Variants in PEX5L observed in about 807,000 individuals in gnomAD.
The protein encoded by PEX5L is peroxisomal biogenesis factor 5 like.
In PEX5L, 30 loss-of-function variants were observed where a neutral mutation model predicts 84.0. That is an observed-to-expected ratio of 0.36 (90% CI 0.27 to 0.48). PEX5L has a LOEUF of 0.48. Ranked by LOEUF, PEX5L falls within the 20% of genes least tolerant of loss-of-function variation. PEX5L has a pLI of 0.99. For synonymous variants in PEX5L, 270 were observed against 283.1 expected (o/e 0.95, Z 0.46); for missense variants, 533 against 754.6 (o/e 0.71, Z 3.44).
rs548820058 is a variant in PEX5L at position 179,874,126 on chromosome 3, GAT to G, written c.726+199_726+200del. The stretch of plus-strand genomic sequence containing the variant: ...AACACATTTTCCAGCCAAATGTGTA[GAT>G]ATACATATATATATATATATACACA... On this transcript the variant is annotated intron_variant, in intron 7 of 14. Transcript: ENST00000467460. 4.0e-3 allele frequency among the ~76,000 whole-genome samples: 491 copies of G among 122,992 alleles called. 4 individuals are homozygous for G. The highest frequency in any genetic ancestry group is 0.013 in the South Asian group (40 of 3,156). The allele number at this position is 122,992 out of a possible 152,430, so 80.7% of individuals were successfully genotyped here.
chr3:179,913,464 G>C (rs1198549405), intron 2 of PEX5L, among the ~76,000 whole-genome samples: 1 of 152,062 alleles, frequency 6.6e-6, no homozygotes, highest in South Asian at 2.1e-4. Context: ...AACCTAATCT[G>C]TTGTAGGGCT....
intron 8 of PEX5L, among the ~76,000 whole-genome samples, chr3:179,838,325 G>A (rs1735769083): frequency 6.6e-6 from 1 of 152,114 alleles, no homozygotes; most frequent in Non-Finnish European, 1.5e-5. Context: ...TCCTTAAGTT[G>A]CATTTAACTT....
intron 2 of PEX5L, among the ~76,000 whole-genome samples, chr3:179,919,763 C>T (rs759485150): frequency 1.3e-4 from 20 of 152,076 alleles, no homozygotes; most frequent in African/African-American, 3.1e-4. Flanking sequence ...AGTGCAGTGG[C>T]GCGATCTCAG....
At chr3:179,871,913 G>T (rs1011298518) in intron 7 of PEX5L, among the ~76,000 whole-genome samples, 12 of 152,128 alleles carry the variant, frequency 7.9e-5, no homozygotes, top group Admixed American at 5.2e-4. Context: ...TTGAGACAGG[G>T]TGTTGCTCTG....
chr3:179,977,871 T>C (rs567937156), intron 1 of PEX5L, among the ~76,000 whole-genome samples: 3 of 152,240 alleles, frequency 2.0e-5, no homozygotes, highest in Admixed American at 1.3e-4. Flanking sequence ...CATGGGCTTT[T>C]CCCCCCTCTC....
intron 8 of PEX5L, among the ~76,000 whole-genome samples, chr3:179,843,613 A>T (rs889237577): frequency 5.3e-5 from 8 of 152,374 alleles, no homozygotes; most frequent in Admixed American, 4.6e-4. Context: ...TAATTTTTTT[A>T]AAATATGGAA....
At chr3:179,915,445 G>C (rs1283099049) in intron 2 of PEX5L, among the ~76,000 whole-genome samples, 1 of 152,178 alleles carries the variant, frequency 6.6e-6, no homozygotes, top group Non-Finnish European at 1.5e-5. Flanking sequence ...GGAAGAACTA[G>C]TACATTCGTA....
intron 1 of PEX5L, among the ~76,000 whole-genome samples, chr3:180,014,964 T>G (rs897865675): frequency 3.3e-5 from 5 of 152,220 alleles, no homozygotes; most frequent in Non-Finnish European, 7.3e-5. Flanking sequence ...TGCAGAACCA[T>G]TTTATTCAGC....
intron 1 of PEX5L, among the ~76,000 whole-genome samples, chr3:179,985,673 CT>C (rs1786748093): frequency 6.6e-6 from 1 of 152,058 alleles, no homozygotes; most frequent in Non-Finnish European, 1.5e-5. Flanking sequence ...CCCTTTTCCC[CT>C]TATTTTCCTA....
At chr3:180,026,446 C>T (rs770518480) in intron 1 of PEX5L, among the ~76,000 whole-genome samples, 76 of 152,022 alleles carry the variant, frequency 5.0e-4, no homozygotes, top group Admixed American at 1.4e-3. Context: ...CATGAATGTG[C>T]CCAATATTTC....
chr3:179,974,262 AG>A, intron 1 of PEX5L: 1 of 893,984 alleles, frequency 1.1e-6, no homozygotes, highest in Non-Finnish European at 1.3e-6. Context: ...TCCAAGTGTG[AG>A]GGGGCAGGGC....
At chr3:179,865,163 T>C (rs1747669183) in intron 7 of PEX5L, among the ~76,000 whole-genome samples, 1 of 152,190 alleles carries the variant, frequency 6.6e-6, no homozygotes, top group South Asian at 2.1e-4. Flanking sequence ...CAAGTGCAAA[T>C]AGAATCTTAC....
chr3:179,865,993 C>T, intron 7 of PEX5L, among the ~76,000 whole-genome samples: 1 of 152,128 alleles, frequency 6.6e-6, no homozygotes, highest in Non-Finnish European at 1.5e-5. Flanking sequence ...CTATAGCAAG[C>T]TCCTGGAAAC....
chr3:180,020,714 T>A (rs962476186), intron 1 of PEX5L, among the ~76,000 whole-genome samples: 13 of 152,268 alleles, frequency 8.5e-5, no homozygotes, highest in African/African-American at 3.1e-4. Flanking sequence ...AGACAGGAAT[T>A]TGAATGCATT....
At chr3:179,905,008 T>C (rs981836968) in intron 2 of PEX5L, among the ~76,000 whole-genome samples, 1 of 152,214 alleles carries the variant, frequency 6.6e-6, no homozygotes, top group Non-Finnish European at 1.5e-5. Context: ...AAATCTTTCC[T>C]AACAGTACTC....
chr3:180,011,661 T>C (rs1218365010), intron 1 of PEX5L, among the ~76,000 whole-genome samples: 2 of 152,182 alleles, frequency 1.3e-5, no homozygotes, highest in African/African-American at 2.4e-5. Flanking sequence ...TAATTTTGAA[T>C]AAAAATGAGA....
chr3:179,855,871 C>T (rs1404348968), intron 8 of PEX5L, among the ~76,000 whole-genome samples: 2 of 152,150 alleles, frequency 1.3e-5, no homozygotes. Context: ...TTTCAGCCTC[C>T]AGAACTGTGA....
chr3:179,990,817 C>A (rs1365459579), intron 1 of PEX5L, among the ~76,000 whole-genome samples: 2 of 152,206 alleles, frequency 1.3e-5, no homozygotes, highest in Non-Finnish European at 2.9e-5. Flanking sequence ...TTTTCACAGA[C>A]TCCTGAGGTA....
intron 3 of PEX5L, 59 bp downstream of exon 3, chr3:179,898,083 C>A: frequency 2.1e-6 from 2 of 948,632 alleles, no homozygotes; most frequent in Non-Finnish European, 3.1e-6. Flanking sequence ...TTAAAAATCA[C>A]AATGTCTGAT....
Sources: gnomAD v4.1 joint callset for allele counts (sites outside exome capture counted in the v4.1 genomes callset) on GRCh38, gnomAD v4.1.1 for gene constraint, MANE v1.5 for transcripts, NCBI Gene and HGNC (gene_info 2026-07-23, HGNC 2026-07-21) for gene names.